JADE3: variants seen among roughly 807,000 people sequenced by gnomAD.
JADE3 encodes protein Jade-3.
In JADE3, 2 loss-of-function variants were observed where a neutral mutation model predicts 50.1. The ratio of observed to expected loss-of-function variants is 0.04; its 90% CI spans 0.02 to 0.13. JADE3 has a LOEUF of 0.13. JADE3 is among the 10% of genes least tolerant of loss of function. The pLI, the probability that JADE3 is intolerant of heterozygous loss-of-function variation, is 1.00. For synonymous variants in JADE3, 218 were observed against 232.9 expected, an observed-to-expected ratio of 0.94 and a Z score of 0.58; for missense variants, 475 against 634.4, an observed-to-expected ratio of 0.75 and a Z score of 2.70.
chrX:47,015,610 G>A (rs782456459), intron 4 of JADE3, among the ~76,000 whole-genome samples: 1 of 107,622 alleles, frequency 9.3e-6, no homozygotes, highest in African/African-American at 3.4e-5. Context: ...TTGATCTAAT[G>A]TAATACAATA....
Position 46,979,094 on chromosome X carries a change from T to C in JADE3, c.-11-5790T>C, listed in dbSNP as rs150728547. Among the ~76,000 whole-genome samples the C allele has an allele frequency of 9.4e-4, 106 of 112,324 alleles. No homozygotes were observed. The East Asian group carries it at 0.024, about 25-fold the overall frequency. On this transcript the variant is annotated intron_variant, in intron 1 of 10. Coordinates refer to ENST00000614628, the MANE Select transcript of JADE3 (RefSeq NM_014735.5). ...TTCTAAAAGTCATTGATGACTCATT[T>C]TCTTATTTCCCAGGACTGGTGTAAC...
chrX:47,013,333 C>T (rs899860249), intron 4 of JADE3, among the ~76,000 whole-genome samples: 1 of 111,741 alleles, frequency 8.9e-6, no homozygotes, highest in Non-Finnish European at 1.9e-5. Flanking sequence ...TTTTTAATCT[C>T]CTGTTTCACA....
chrX:47,050,457 G>C (rs1239720457), intron 8 of JADE3, among the ~76,000 whole-genome samples: 1 of 111,418 alleles, frequency 9.0e-6, no homozygotes, highest in African/African-American at 3.3e-5. Flanking sequence ...TCGTCACCCT[G>C]TGCAATGGAA....
intron 8 of JADE3, among the ~76,000 whole-genome samples, chrX:47,050,695 A>G (rs1556371781): frequency 8.9e-6 from 1 of 111,977 alleles, no homozygotes; most frequent in South Asian, 3.7e-4. Context: ...ATTTGTCTCT[A>G]CATTCTATAA....
Position 46,985,801 on chromosome X carries a change from G to A in JADE3, c.126+9G>A, listed in dbSNP as rs1556354395. The A allele has an allele frequency of 4.4e-6, 5 of 1,127,779 alleles. No homozygotes were observed. Among genetic ancestry groups the A allele is most frequent in the South Asian group, 1.9e-5 (1 of 53,482 alleles). 92.9% of individuals were successfully genotyped at this position (1,127,779 alleles called of 1,213,427 possible). ...ACAAGAAACCTGCTGAGGTGAGATCGTATTCTCAATTTTTAGACTTAAGCT... is the reference window on the plus strand; with the variant it reads ...ACAAGAAACCTGCTGAGGTGAGATCATATTCTCAATTTTTAGACTTAAGCT... On this transcript the variant is annotated intron_variant, in intron 3 of 10. Transcript: ENST00000614628.
chrX:46,930,754 A>C (rs1401104749), intron 1 of JADE3, among the ~76,000 whole-genome samples: 10 of 111,300 alleles, frequency 9.0e-5, no homozygotes, highest in African/African-American at 3.3e-4. Flanking sequence ...ATTTGCCCCC[A>C]TCACAGCCCT....
In JADE3 at chrX:47,028,764, T is replaced by A. The variant is rs933626731; in HGVS notation, c.687+661T>A. 7.2e-5 allele frequency among the ~76,000 whole-genome samples: 8 copies of A among 110,985 alleles called. No homozygotes were observed. In the East Asian group the frequency reaches 1.4e-3, roughly 19 times the overall value. Reference sequence around the variant, plus strand: ...CAACCCTCCTTTCAGCTCTTTCCATTTTTTCCCCCACAAGCACTGTGTTCC... The same window carrying A: ...CAACCCTCCTTTCAGCTCTTTCCATATTTTCCCCCACAAGCACTGTGTTCC... On this transcript the variant is annotated intron_variant, in intron 6 of 10. Transcript: ENST00000614628.
Position 46,934,742 on chromosome X carries a change from A to G in JADE3, c.-12+22023A>G, listed in dbSNP as rs782190551. Among the ~76,000 whole-genome samples the G allele has an allele frequency of 2.1e-3, 235 of 110,492 alleles. 2 individuals are homozygous for G. Among genetic ancestry groups the G allele is most frequent in the Non-Finnish European group, 2.3e-3 (119 of 52,660 alleles). ...GAGCCACCGTGCCCGGCCTTCTTCT[A>G]TGTTTATAAGAAAAACTTGCTTATA... On this transcript the variant is annotated intron_variant, in intron 1 of 10. Transcript: ENST00000614628.
intron 1 of JADE3, among the ~76,000 whole-genome samples, chrX:46,926,085 G>A (rs1375802650): frequency 4.7e-4 from 44 of 94,528 alleles, no homozygotes; most frequent in African/African-American, 2.1e-3. Context: ...TTAAGAGATG[G>A]GACCTTACTG....
intron 8 of JADE3, among the ~76,000 whole-genome samples, chrX:47,053,614 G>A (rs1929568437): frequency 9.0e-6 from 1 of 111,632 alleles, no homozygotes; most frequent in African/African-American, 3.3e-5. Flanking sequence ...TTAGATATTG[G>A]AATTCCTATG....
intron 1 of JADE3, among the ~76,000 whole-genome samples, chrX:46,926,495 C>G (rs1556338928): frequency 8.9e-6 from 1 of 111,932 alleles, no homozygotes; most frequent in Non-Finnish European, 1.9e-5. Flanking sequence ...ATCCTCCCAC[C>G]TTGGCCTCCC....
Position 47,054,547 on chromosome X carries a change from A to G in JADE3, c.1362A>G (p.Glu454=). The change falls in exon 9 of 11, where the codon GAA becomes GAG. Residue 454 remains glutamate, a synonymous_variant. Transcript: ENST00000614628. ...KPLFPPKEDE[E]NGLVQPKEES... is the part of the protein sequence containing the mutation. ...TATTTCCTCCAAAGGAGGATGAAGA[A>G]AATGGGCTGGTGCAGCCAAAAGAGG... 8.3e-7 allele frequency: 1 copy of G among 1,210,633 alleles called. No individual in the cohort carries two copies. The highest frequency in any genetic ancestry group is 1.1e-6 in the Non-Finnish European group (1 of 894,369).
intron 4 of JADE3, among the ~76,000 whole-genome samples, chrX:47,005,157 A>C (rs1350691184): frequency 8.9e-6 from 1 of 111,839 alleles, no homozygotes; most frequent in East Asian, 2.8e-4. Context: ...ACCAGCAAAA[A>C]CAAAAAACAA....
chrX:47,033,666 C>T lies in JADE3; in HGVS notation c.733C>T (p.Arg245Cys). ...GGTCCCAGAAGGCAGCTGGCTGTGT[C>T]GCTCCTGTGTCCTGGGCATTTATCC... ...LKVPEGSWLC[R>C]SCVLGIYPQC... The change falls in exon 7 of 11, where the codon CGC (arginine) becomes TGC (cysteine). Residue 245 changes from arginine to cysteine, a missense_variant. Physicochemically the swap from Arg to Cys is radical, Grantham distance 180 (BLOSUM62 -3). Coordinates refer to ENST00000614628, the MANE Select transcript of JADE3 (RefSeq NM_014735.5). 8.3e-7 allele frequency: 1 copy of T among 1,208,631 alleles called. No individual in the cohort carries two copies. Among genetic ancestry groups the T allele is most frequent in the South Asian group, 1.8e-5 (1 of 56,219 alleles).
chrX:46,954,943 T>A (rs2147117772), intron 1 of JADE3, among the ~76,000 whole-genome samples: 1 of 112,741 alleles, frequency 8.9e-6, no homozygotes, highest in South Asian at 3.6e-4. Context: ...GCTGCTCAAC[T>A]TATAACCTTC....
intron 3 of JADE3, among the ~76,000 whole-genome samples, chrX:46,991,299 G>T (rs1928000575): frequency 9.3e-6 from 1 of 107,824 alleles, no homozygotes; most frequent in Non-Finnish European, 1.9e-5. Flanking sequence ...GGTCAGGCTG[G>T]TCTTGAACTC....
rs1467200861 is a variant in JADE3 at position 47,060,241 on chromosome X, G to T, written c.*1164G>T. 1 of 102,649 alleles carries T rather than the reference G, an allele frequency of 9.7e-6. No individual in the cohort carries two copies. Among genetic ancestry groups the T allele is most frequent in the African/African-American group, 3.5e-5 (1 of 28,669 alleles). The allele number at this position is 102,649 out of a possible 1,213,427, so 8.5% of individuals were successfully genotyped here. A position where few individuals can be genotyped will look rare whatever the true frequency, so the allele number is the denominator to read the frequency against. ...GGAAGAGAATAATTACATTTGCGGG[G>T]GGGGGGGTGGATAAAAACATGTCTG... On this transcript the variant is annotated 3_prime_UTR_variant, in exon 11 of 11. Transcript: ENST00000614628.
At chrX:47,054,663 C>T (rs782074539) in intron 9 of JADE3, 35 bp downstream of exon 9, 10 of 917,512 alleles carry the variant, frequency 1.1e-5, no homozygotes, top group Non-Finnish European at 1.3e-5. Context: ...ATATAGGCCT[C>T]GGTCTGTGTA....
intron 4 of JADE3, among the ~76,000 whole-genome samples, chrX:47,008,417 G>A (rs1928485804): frequency 8.9e-6 from 1 of 112,094 alleles, no homozygotes; most frequent in Admixed American, 9.5e-5. Context: ...GCTCCATGTT[G>A]TAAGTTATGC....
Sources: gnomAD v4.1 joint callset for allele counts (sites outside exome capture counted in the v4.1 genomes callset) on GRCh38, gnomAD v4.1.1 for gene constraint, MANE v1.5 for transcripts, NCBI Gene and HGNC (gene_info 2026-07-23, HGNC 2026-07-21) for gene names.